The following RFX3 variants were observed in gnomAD, a reference collection of about 807,000 sequenced individuals.
The protein encoded by RFX3 is regulatory factor X3.
In RFX3, 14 loss-of-function variants were observed where a neutral mutation model predicts 98.6. The ratio of observed to expected loss-of-function variants is 0.14; its 90% confidence interval spans 0.09 to 0.22. The LOEUF is 0.22. Among genes scored for constraint, RFX3 ranks in the 10% least tolerant of loss-of-function variants. The pLI is 1.00. For synonymous variants in RFX3, 383 were observed against 328.4 expected (o/e 1.17, Z -1.80); for missense variants, 639 against 926.9 (o/e 0.69, Z 4.03).
chr9:3,482,241 T>A (rs79503113), intron 1 of RFX3, among the ~76,000 whole-genome samples: 11 of 119,708 alleles, frequency 9.2e-5, no homozygotes, highest in East Asian at 1.0e-3. Context: ...AAAAAAAAAA[T>A]GGTATGACCC....
chr9:3,260,949 T>G (rs1487679146), intron 13 of RFX3, among the ~76,000 whole-genome samples: 2 of 151,036 alleles, frequency 1.3e-5, no homozygotes, highest in Non-Finnish European at 3.0e-5. Flanking sequence ...TTGAACCCAG[T>G]CCATGAAAGT....
intron 1 of RFX3, among the ~76,000 whole-genome samples, chr9:3,488,295 T>C (rs1587841101): frequency 1.3e-5 from 2 of 152,204 alleles, no homozygotes; most frequent in African/African-American, 4.8e-5. Flanking sequence ...AACACATCTA[T>C]TGATTAATTT....
intron 6 of RFX3, among the ~76,000 whole-genome samples, chr9:3,289,619 T>A (rs78775378): frequency 2.0e-4 from 31 of 152,170 alleles, no homozygotes; most frequent in Middle Eastern, 3.4e-3. Flanking sequence ...AGACCTCAAA[T>A]AGATGGAGTG....
chr9:3,500,388 T>C (rs1263837633), intron 1 of RFX3, among the ~76,000 whole-genome samples: 1 of 151,954 alleles, frequency 6.6e-6, no homozygotes, highest in Admixed American at 6.6e-5. Flanking sequence ...ATTTTCCGGA[T>C]GAAAAGAAAA....
chr9:3,454,275 T>C (rs1394757978), intron 1 of RFX3, among the ~76,000 whole-genome samples: 2 of 152,170 alleles, frequency 1.3e-5, no homozygotes, highest in Non-Finnish European at 2.9e-5. Flanking sequence ...CACAAACACA[T>C]ACATATACAC....
chr9:3,411,975 T>A (rs1842501565), intron 1 of RFX3, among the ~76,000 whole-genome samples: 1 of 152,202 alleles, frequency 6.6e-6, no homozygotes, highest in South Asian at 2.1e-4. Flanking sequence ...CAACTACTCG[T>A]AACATTATCC....
intron 15 of RFX3, among the ~76,000 whole-genome samples, chr9:3,233,324 C>T (rs1487107049): frequency 2.0e-5 from 3 of 152,190 alleles, no homozygotes; most frequent in Non-Finnish European, 4.4e-5. Context: ...ATTTTGAGGC[C>T]TAGTATCTAT....
Position 3,330,464 on chromosome 9 carries a change from C to T in RFX3, c.269G>A (p.Gly90Glu). Residue 90 changes from glycine to glutamate, a missense_variant, in exon 4 of 17, where the codon GGA becomes GAA. Transcript: ENST00000617270. ...CCCTTGAGTATCAAAGTAATTCCCT[C>T]CAGTATTTTGGCTGTACATCTGTGT... Reference protein sequence around the residue: ...TETQMYSQNTGGNYFDTQGSS... With the variant: ...TETQMYSQNTEGNYFDTQGSS... 6.2e-7 allele frequency: 1 copy of T among 1,614,016 alleles called. No individual in the cohort carries two copies. Among genetic ancestry groups the T allele is most frequent in the Non-Finnish European group, 8.5e-7 (1 of 1,179,940 alleles).
In RFX3 at chr9:3,229,724, G is replaced by C. The variant is rs561685650; in HGVS notation, c.1969-835C>G. Among the ~76,000 whole-genome samples, 203 of 152,280 alleles carry C rather than the reference G, an allele frequency of 1.3e-3. 1 individual carries two copies. Among genetic ancestry groups the C allele is most frequent in the African/African-American group, 4.6e-3 (190 of 41,582 alleles). On this transcript the variant is annotated intron_variant, in intron 15 of 16. Coordinates refer to ENST00000617270, the MANE Select transcript of RFX3 (RefSeq NM_001282116.2). Reference sequence around the variant, plus strand: ...AAAACAGTAAACATTACTTTTTTAAGGTAATAAGTCATTATTAGAAATTCA... The same window carrying C: ...AAAACAGTAAACATTACTTTTTTAACGTAATAAGTCATTATTAGAAATTCA...
intron 2 of RFX3, among the ~76,000 whole-genome samples, chr9:3,368,126 A>T (rs1163745288): frequency 1.3e-5 from 2 of 152,234 alleles, no homozygotes; most frequent in Non-Finnish European, 2.9e-5. Flanking sequence ...CTAAGTGAAA[A>T]TGCAATTTAT....
chr9:3,484,910 A>ACCCCCCC (rs532243719), intron 1 of RFX3, among the ~76,000 whole-genome samples: 1 of 135,842 alleles, frequency 7.4e-6, no homozygotes, highest in Non-Finnish European at 1.6e-5. Context: ...ATAGGGAGAC[A>ACCCCCCC]CCCCCCCCCA....
chr9:3,326,831 A>C (rs1367056853), intron 4 of RFX3, among the ~76,000 whole-genome samples: 1 of 152,186 alleles, frequency 6.6e-6, no homozygotes, highest in Non-Finnish European at 1.5e-5. Context: ...GCTGTTTCCA[A>C]GTACCCAAAC....
chr9:3,385,256 T>A (rs527394244), intron 2 of RFX3, among the ~76,000 whole-genome samples: 6 of 152,180 alleles, frequency 3.9e-5, no homozygotes, highest in Non-Finnish European at 8.8e-5. Flanking sequence ...ATAGGACACA[T>A]TGAATTTTCC....
chr9:3,411,535 G>C (rs144649983), intron 1 of RFX3, among the ~76,000 whole-genome samples: 292 of 152,072 alleles, frequency 1.9e-3, no homozygotes, highest in African/African-American at 6.6e-3. Context: ...TTTTAGTAGA[G>C]ACAGGGTTTC....
chr9:3,462,336 C>G (rs1032141601), intron 1 of RFX3, among the ~76,000 whole-genome samples: 1 of 152,000 alleles, frequency 6.6e-6, no homozygotes, highest in African/African-American at 2.4e-5. Flanking sequence ...ATAAGGTCAT[C>G]TCAATTTAAC....
intron 4 of RFX3, chr9:3,324,187 T>G (rs867649057): frequency 8.3e-6 from 2 of 241,598 alleles, no homozygotes; most frequent in South Asian, 1.0e-4. Context: ...AGTCTTTTTT[T>G]AAAAAATATT....
chr9:3,244,309 T>C (rs1820349631), intron 15 of RFX3, among the ~76,000 whole-genome samples: 1 of 152,174 alleles, frequency 6.6e-6, no homozygotes, highest in African/African-American at 2.4e-5. Context: ...CCCGGCCTCT[T>C]ATTTCATCAT....
chr9:3,323,973 C>T, intron 4 of RFX3: 1 of 417,406 alleles, frequency 2.4e-6, no homozygotes, highest in Non-Finnish European at 5.2e-6. Context: ...CATTCAAAGT[C>T]CCATTTTATT....
intron 1 of RFX3, among the ~76,000 whole-genome samples, chr9:3,459,129 T>C (rs1195420603): frequency 1.3e-5 from 2 of 152,092 alleles, no homozygotes; most frequent in Non-Finnish European, 2.9e-5. Context: ...ACGCACCCTA[T>C]CACTTGAGAG....
Sources: gnomAD v4.1 joint callset for allele counts (sites outside exome capture counted in the v4.1 genomes callset) on GRCh38, gnomAD v4.1.1 for gene constraint, MANE v1.5 for transcripts, NCBI Gene and HGNC (gene_info 2026-07-23, HGNC 2026-07-21) for gene names.